The following CACNA1A variants were observed in gnomAD, a reference collection of about 807,000 sequenced individuals.
CACNA1A encodes calcium voltage-gated channel subunit alpha1 A, also known as voltage-dependent P/Q-type calcium channel subunit alpha-1A.
CACNA1A carries 57 observed loss-of-function variants against 262.4 expected under a neutral mutation model. The ratio of observed to expected loss-of-function variants is 0.22; its 90% confidence interval spans 0.18 to 0.27. CACNA1A has a LOEUF of 0.27. Ranked by LOEUF, CACNA1A falls within the 10% of genes least tolerant of loss-of-function variation. The pLI, the probability that CACNA1A is intolerant of heterozygous loss-of-function variation, is 1.00. For missense variants in CACNA1A, 2,526 were observed against 3,562.8 expected (o/e 0.71, Z 7.41); for synonymous variants, 1,431 against 1,419.3 (o/e 1.01, Z -0.18).
At chr19:13,223,015 G>T (rs1002907452) in intron 38 of CACNA1A, among the ~76,000 whole-genome samples, 2 of 151,836 alleles carry the variant, frequency 1.3e-5, no homozygotes, top group Non-Finnish European at 2.9e-5. Context: ...TAAAAAAAAT[G>T]TTTTTTTCTT....
chr19:13,444,859 C>T (rs1052169231), intron 3 of CACNA1A, among the ~76,000 whole-genome samples: 2 of 151,984 alleles, frequency 1.3e-5, no homozygotes, highest in Non-Finnish European at 2.9e-5. Flanking sequence ...ATGATGCGGC[C>T]CGGTGCGGTG....
At chr19:13,337,348 T>C (rs2058594543) in intron 6 of CACNA1A, among the ~76,000 whole-genome samples, 1 of 152,222 alleles carries the variant, frequency 6.6e-6, no homozygotes, top group Non-Finnish European at 1.5e-5. Context: ...CAATCTTTGC[T>C]GATTCTTGGC....
chr19:13,300,879 C>T (rs542702551), intron 17 of CACNA1A, among the ~76,000 whole-genome samples: 1 of 152,230 alleles, frequency 6.6e-6, no homozygotes, highest in East Asian at 1.9e-4. Context: ...TAACACACAG[C>T]CAGATAACAA....
intron 24 of CACNA1A, chr19:13,274,128 G>A (rs1177027536): frequency 6.6e-6 from 1 of 152,000 alleles, no homozygotes; most frequent in Non-Finnish European, 1.5e-5. Flanking sequence ...AAAGAAAAGA[G>A]TAAACGAACA....
Position 13,241,516 on chromosome 19 carries a change from C to T in CACNA1A, c.4950+3666G>A, listed in dbSNP as rs1207655835. On this transcript the variant is annotated intron_variant, in intron 31 of 46. Transcript: ENST00000360228. The surrounding 1 kb of genome is among the most constrained non-coding windows in gnomAD (Gnocchi z 4.0). Reference sequence around the variant, plus strand: ...ATTTAGACTTCAGAAAGAAGTAAGACCAACCGGATTCTAGATGCAGATGTT... The same window carrying T: ...ATTTAGACTTCAGAAAGAAGTAAGATCAACCGGATTCTAGATGCAGATGTT... 6.5e-7 allele frequency: 1 copy of T among 1,529,144 alleles called. No individual in the cohort carries two copies. Among genetic ancestry groups the T allele is most frequent in the Non-Finnish European group, 8.8e-7 (1 of 1,131,808 alleles). The allele number at this position is 1,529,144 out of a possible 1,614,324, so 94.7% of individuals were successfully genotyped here.
chr19:13,465,676 A>C (rs1178502174), intron 1 of CACNA1A, among the ~76,000 whole-genome samples: 1 of 151,864 alleles, frequency 6.6e-6, no homozygotes, highest in African/African-American at 2.4e-5. Context: ...TTTTGTAGAG[A>C]TGGAGTTTTG....
At chr19:13,247,321 T>TG (rs1482977636) in intron 30 of CACNA1A, among the ~76,000 whole-genome samples, 1 of 152,152 alleles carries the variant, frequency 6.6e-6, no homozygotes, top group East Asian at 1.9e-4. Flanking sequence ...AATCAGACAA[T>TG]GAATGTGCGT....
At position 13,506,123 on chromosome 19, in the gene CACNA1A, C is replaced by T. The variant is rs1020225208; in HGVS notation, c.102G>A (p.Gly34=). 4 of 1,606,528 alleles carry T rather than the reference C, an allele frequency of 2.5e-6. No homozygotes were observed. The African/African-American group carries it at 5.3e-5, about 21-fold the overall frequency. Residue 34 remains glycine, a synonymous_variant, in exon 1 of 47, where the codon GGG becomes GGA. Transcript: ENST00000360228. ...VVGSGGGRGA[G]GSRQGGQPGA... is the part of the protein sequence containing the mutation. ...CGGGCTGCCCGCCCTGCCGGCTGCCCCCGGCTCCTCGCCCGCCTCCGCTGC... is the reference window on the plus strand; with the variant it reads ...CGGGCTGCCCGCCCTGCCGGCTGCCTCCGGCTCCTCGCCCGCCTCCGCTGC...
At chr19:13,486,407 TCA>T (rs898817272) in intron 1 of CACNA1A, among the ~76,000 whole-genome samples, 4 of 117,768 alleles carry the variant, frequency 3.4e-5, no homozygotes, top group East Asian at 5.0e-4. Context: ...TCTCTCTCTC[TCA>T]CACACACACA....
Position 13,298,766 on chromosome 19 carries a change from C to T in CACNA1A, c.2867G>A (p.Arg956Gln), listed in dbSNP as rs551380805. The T allele has an allele frequency of 3.9e-6, 6 of 1,520,648 alleles. No individual in the cohort carries two copies. The South Asian group carries it at 7.3e-5, about 19-fold the overall frequency. 94.2% of individuals were successfully genotyped at this position (1,520,648 alleles called of 1,614,324 possible). A position where few individuals can be genotyped will look rare whatever the true frequency, so the allele number is the denominator to read the frequency against. ...SPRTGADGEHRRHRAHRRPGE... is the reference protein window; with the variant it reads ...SPRTGADGEHQRHRAHRRPGE... ...GGGCCTGCGGTGCGCGCGATGACGT[C>T]GATGCTCCCCGTCCGCGCCCGTGCG... The change falls in exon 19 of 47, where the codon CGA becomes CAA. Residue 956 changes from arginine to glutamine, a missense_variant. By Grantham distance (43) the Arg-to-Gln change is conservative. Transcript: ENST00000360228.
At chr19:13,452,621 T>C (rs959514138) in intron 3 of CACNA1A, 2 of 330,436 alleles carry the variant, frequency 6.1e-6, no homozygotes, top group African/African-American at 2.1e-5. Context: ...AGGATTAAAT[T>C]AGAGAATGGG....
intron 1 of CACNA1A, among the ~76,000 whole-genome samples, chr19:13,496,203 G>A (rs776091573): frequency 6.6e-6 from 1 of 152,186 alleles, no homozygotes; most frequent in Non-Finnish European, 1.5e-5. Context: ...CAGGCCACAA[G>A]TCAAAAATTT....
chr19:13,211,661 T>TGCAA, intron 43 of CACNA1A: 1 of 203,534 alleles, frequency 4.9e-6, no homozygotes, highest in South Asian at 8.7e-5. Flanking sequence ...CGTGTGTGTA[T>TGCAA]GCAAGCATCT....
chr19:13,455,209 G>A lies in CACNA1A; in HGVS notation c.297C>T (p.Pro99=), dbSNP rs370211834. ...KYAKKITEWP[P]FEYMILATII... ...TGGTGGCTAAAATCATATATTCAAA[G>A]GGAGTATTGGGGAATTAAGGAAAAA... The change falls in exon 2 of 47, where the codon CCC becomes CCT. Residue 99 remains proline (P), a synonymous_variant. Coordinates refer to ENST00000360228, the MANE Select transcript of CACNA1A (RefSeq NM_001127222.2). 92 of 1,583,048 alleles carry A rather than the reference G, an allele frequency of 5.8e-5. No individual in the cohort carries two copies. The highest frequency in any genetic ancestry group is 7.6e-5 in the Non-Finnish European group (87 of 1,152,126).
intron 4 of CACNA1A, 143 bp downstream of exon 4, chr19:13,371,545 C>A (rs971032446): frequency 1.3e-5 from 8 of 632,646 alleles, no homozygotes; most frequent in Admixed American, 2.8e-5. Context: ...CTAGGGGGTT[C>A]CCTATAGGGA....
intron 3 of CACNA1A, among the ~76,000 whole-genome samples, chr19:13,416,304 T>G (rs973981102): frequency 1.3e-5 from 2 of 152,114 alleles, no homozygotes; most frequent in African/African-American, 4.8e-5. Context: ...GGTCTTCCTA[T>G]GTTGCCCAGG....
intron 3 of CACNA1A, among the ~76,000 whole-genome samples, chr19:13,376,122 G>A (rs550440910): frequency 6.6e-6 from 1 of 152,342 alleles, no homozygotes; most frequent in African/African-American, 2.4e-5. Context: ...TAATATAAAA[G>A]TGCAAGGTGA....
chr19:13,487,283 G>GTTTC (rs1437132085), intron 1 of CACNA1A, among the ~76,000 whole-genome samples: 1 of 152,202 alleles, frequency 6.6e-6, no homozygotes. Context: ...AGGCTGATGA[G>GTTTC]TAGAACCAGG....
At chr19:13,318,843 GTCAGAGC>G (rs2058184746) in intron 10 of CACNA1A, among the ~76,000 whole-genome samples, 1 of 150,900 alleles carries the variant, frequency 6.6e-6, no homozygotes, top group Non-Finnish European at 1.5e-5. Flanking sequence ...TTAGGGGAAG[GTCAGAGC>G]TCAGTTTTGG....
Sources: allele counts gnomAD v4.1 joint callset (sites outside exome capture counted in the v4.1 genomes callset), GRCh38; gene constraint gnomAD v4.1.1; non-coding constraint Gnocchi (gnomAD v3.1); transcripts MANE v1.5; gene names NCBI Gene and HGNC (gene_info 2026-07-23, HGNC 2026-07-21).